ZFYVE9: variants seen among roughly 807,000 people sequenced by gnomAD.
ZFYVE9 encodes zinc finger FYVE domain-containing protein 9.
In ZFYVE9, 43 loss-of-function variants were observed where a neutral mutation model predicts 126.7. The observed-to-expected ratio is 0.34, with a 90% confidence interval of 0.27 to 0.44. The LOEUF (loss-of-function observed/expected upper bound fraction) is 0.44. ZFYVE9 is among the 20% of genes least tolerant of loss of function. ZFYVE9 has a pLI of 1.00. For synonymous variants in ZFYVE9, 521 were observed against 597.4 expected (o/e 0.87, Z 1.87); for missense variants, 1,476 against 1,697.0 (o/e 0.87, Z 2.29).
At chr1:52,277,604 TC>T (rs1387185470) in intron 8 of ZFYVE9, among the ~76,000 whole-genome samples, 1 of 152,230 alleles carries the variant, frequency 6.6e-6, no homozygotes, top group Non-Finnish European at 1.5e-5. Flanking sequence ...TTTTAAAATT[TC>T]CATTAGAAAA....
At chr1:52,263,750 T>TC in intron 4 of ZFYVE9, 23 bp from the exon 5 acceptor site, 1 of 1,120,890 alleles carries the variant, frequency 8.9e-7, no homozygotes, top group Non-Finnish European at 1.3e-6. Context: ...TTTTGTGTGT[T>TC]CTTCCCCCCC....
intron 2 of ZFYVE9, among the ~76,000 whole-genome samples, chr1:52,232,087 A>G (rs1261884721): frequency 1.3e-5 from 2 of 152,212 alleles, no homozygotes; most frequent in South Asian, 2.1e-4. Context: ...TAAAGTTTAC[A>G]AAGACAGCCT....
intron 4 of ZFYVE9, among the ~76,000 whole-genome samples, chr1:52,261,807 A>G (rs956809399): frequency 6.6e-6 from 1 of 152,216 alleles, no homozygotes; most frequent in Non-Finnish European, 1.5e-5. Context: ...TTTTGGAAGA[A>G]CAATTTCAGA....
chr1:52,321,156 C>T (rs896664814), intron 13 of ZFYVE9, among the ~76,000 whole-genome samples: 1 of 152,184 alleles, frequency 6.6e-6, no homozygotes, highest in Non-Finnish European at 1.5e-5. Flanking sequence ...CTTTCCCACT[C>T]TTAAGCTTCT....
At chr1:52,214,704 A>G (rs930615256) in intron 1 of ZFYVE9, among the ~76,000 whole-genome samples, 1 of 152,094 alleles carries the variant, frequency 6.6e-6, no homozygotes, top group African/African-American at 2.4e-5. Flanking sequence ...ATTATAAGGA[A>G]TTGGCTCACA....
intron 11 of ZFYVE9, among the ~76,000 whole-genome samples, chr1:52,294,425 TTA>T (rs1645954682): frequency 6.6e-6 from 1 of 152,180 alleles, no homozygotes; most frequent in African/African-American, 2.4e-5. Context: ...ATAAAACAGT[TTA>T]TGTTCTCAGC....
At chr1:52,154,695 G>A (rs1156713147) in intron 1 of ZFYVE9, among the ~76,000 whole-genome samples, 12 of 151,946 alleles carry the variant, frequency 7.9e-5, no homozygotes, top group East Asian at 1.9e-4. Context: ...GCCATTGCCC[G>A]TGAGTCTATA....
At chr1:52,152,538 T>C (rs1004417015) in intron 1 of ZFYVE9, among the ~76,000 whole-genome samples, 1 of 152,362 alleles carries the variant, frequency 6.6e-6, no homozygotes, top group African/African-American at 2.4e-5. Context: ...TTTTTTCTAG[T>C]ATATATCCTT....
chr1:52,342,267 CTT>C (rs35283062), intron 17 of ZFYVE9, among the ~76,000 whole-genome samples: 44 of 133,164 alleles, frequency 3.3e-4, no homozygotes, highest in African/African-American at 1.1e-3. Flanking sequence ...TATATTTTGC[CTT>C]TTTTTTTTTT....
At chr1:52,154,752 A>G (rs937042284) in intron 1 of ZFYVE9, among the ~76,000 whole-genome samples, 1 of 152,114 alleles carries the variant, frequency 6.6e-6, no homozygotes, top group Non-Finnish European at 1.5e-5. Context: ...ATTCATAACC[A>G]GGTGCACGAC....
At chr1:52,318,793 A>G (rs1172611792) in intron 13 of ZFYVE9, among the ~76,000 whole-genome samples, 3 of 152,100 alleles carry the variant, frequency 2.0e-5, no homozygotes, top group Non-Finnish European at 4.4e-5. Context: ...AATTGAATAT[A>G]GAAATTTAAT....
intron 7 of ZFYVE9, among the ~76,000 whole-genome samples, chr1:52,269,275 G>A (rs1347621976): frequency 6.6e-6 from 1 of 151,858 alleles, no homozygotes; most frequent in African/African-American, 2.4e-5. Context: ...GATTACAGGC[G>A]CCTGCCATCA....
chr1:52,311,955 T>C (rs1646141033), intron 13 of ZFYVE9, among the ~76,000 whole-genome samples: 1 of 151,966 alleles, frequency 6.6e-6, no homozygotes, highest in African/African-American at 2.4e-5. Flanking sequence ...CATGCCCAGC[T>C]AATTTTTGTA....
chr1:52,226,127 T>C (rs986197915), intron 2 of ZFYVE9, among the ~76,000 whole-genome samples: 1 of 152,086 alleles, frequency 6.6e-6, no homozygotes, highest in African/African-American at 2.4e-5. Flanking sequence ...CCCACCCTAA[T>C]CTTATTATGC....
Position 52,263,764 on chromosome 1 carries a change from C to CT in ZFYVE9, c.2179-9_2179-8insT, listed in dbSNP as rs1553130220. 1 of 1,078,514 alleles carries CT rather than the reference C, an allele frequency of 9.3e-7. No homozygotes were observed. Among genetic ancestry groups the CT allele is most frequent in the South Asian group, 1.7e-5 (1 of 59,726 alleles). 66.8% of individuals were successfully genotyped at this position (1,078,514 alleles called of 1,614,324 possible). ...ATTTTGTGTGTTCTTCCCCCCCCCC[C>CT]CCCCACAGGTTTTCTGTGCTTCCTG... On this transcript the variant is annotated splice_polypyrimidine_tract_variant and intron_variant, in intron 4 of 18. Transcript: ENST00000287727.
At chr1:52,236,299 T>C (rs1645272999) in intron 3 of ZFYVE9, among the ~76,000 whole-genome samples, 2 of 152,192 alleles carry the variant, frequency 1.3e-5, no homozygotes, top group Non-Finnish European at 2.9e-5. Context: ...TTGATAGAAA[T>C]GATTTCTGCC....
chr1:52,335,424 A>G (rs1262867462), intron 15 of ZFYVE9, among the ~76,000 whole-genome samples: 1 of 152,174 alleles, frequency 6.6e-6, no homozygotes, highest in African/African-American at 2.4e-5. Context: ...AGCTAGAATT[A>G]TATGAAGGTT....
At chr1:52,168,891 A>G (rs1449700594) in intron 1 of ZFYVE9, among the ~76,000 whole-genome samples, 1 of 151,924 alleles carries the variant, frequency 6.6e-6, no homozygotes, top group African/African-American at 2.4e-5. Context: ...TGTTGTATTG[A>G]TTTTTGCTGG....
At chr1:52,168,281 A>T (rs1437458286) in intron 1 of ZFYVE9, among the ~76,000 whole-genome samples, 1 of 133,040 alleles carries the variant, frequency 7.5e-6, no homozygotes, top group Non-Finnish European at 1.5e-5. Flanking sequence ...CAATGGTGCG[A>T]TCTCAGCTTA....
Sources: gnomAD v4.1 joint callset for allele counts (sites outside exome capture counted in the v4.1 genomes callset) on GRCh38, gnomAD v4.1.1 for gene constraint, MANE v1.5 for transcripts, NCBI Gene and HGNC (gene_info 2026-07-23, HGNC 2026-07-21) for gene names.